RIMS4: variants seen among roughly 807,000 people sequenced by gnomAD.
RIMS4 encodes regulating synaptic membrane exocytosis protein 4.
Under a neutral mutation model 29.0 loss-of-function variants are expected in RIMS4, and 9 were observed. That is an observed-to-expected ratio of 0.31 (90% CI 0.19 to 0.54). The LOEUF (loss-of-function observed/expected upper bound fraction) is 0.54. Among genes scored for constraint, RIMS4 ranks in the 20% least tolerant of loss-of-function variants. RIMS4 has a pLI of 0.94. For missense variants in RIMS4, 193 were observed against 365.7 expected, an observed-to-expected ratio of 0.53 and a Z score of 3.85; for synonymous variants, 130 against 152.9, an observed-to-expected ratio of 0.85 and a Z score of 1.10.
chr20:44,797,575 A>G (rs562929890), intron 1 of RIMS4, among the ~76,000 whole-genome samples: 26 of 152,360 alleles, frequency 1.7e-4, no homozygotes, highest in Middle Eastern at 3.4e-3. Flanking sequence ...AAATTCTATT[A>G]GACTGCTTCC....
intron 1 of RIMS4, among the ~76,000 whole-genome samples, chr20:44,785,750 C>CTT (rs969567189): frequency 3.2e-4 from 39 of 122,944 alleles, no homozygotes; most frequent in Admixed American, 8.1e-4. Flanking sequence ...CATAGGTTTT[C>CTT]TTTTTTTTTT....
rs998153701 is a variant in RIMS4, at chr20:44,757,868, C to T, written c.350-97G>A. On this transcript the variant is annotated intron_variant, in intron 3 of 5. Transcript: ENST00000372851. ...TTACTTAGGGCTGAAACCCCCTTCC[C>T]CTGCTCCCAGCCCAGAATAAGACCA... is the stretch of plus-strand genomic sequence containing the variant. 6.9e-6 allele frequency: 8 copies of T among 1,161,206 alleles called. No homozygotes were observed. In the Admixed American group the frequency reaches 7.1e-5, roughly 10 times the overall value. The allele number at this position is 1,161,206 out of a possible 1,614,324, so 71.9% of individuals were successfully genotyped here. A position where few individuals can be genotyped will look rare whatever the true frequency, so the allele number is the denominator to read the frequency against.
At chr20:44,764,631 A>G (rs2066106016) in intron 2 of RIMS4, among the ~76,000 whole-genome samples, 1 of 152,200 alleles carries the variant, frequency 6.6e-6, no homozygotes, top group South Asian at 2.1e-4. Flanking sequence ...GGTGTGGCTT[A>G]TAATAGTAAA....
At chr20:44,789,366 C>T (rs1019678133) in intron 1 of RIMS4, among the ~76,000 whole-genome samples, 2 of 152,094 alleles carry the variant, frequency 1.3e-5, no homozygotes, top group African/African-American at 2.4e-5. Flanking sequence ...GGAGCGATCT[C>T]GGCTCACTGC....
intron 2 of RIMS4, among the ~76,000 whole-genome samples, chr20:44,758,676 A>C (rs1006514328): frequency 1.3e-5 from 2 of 152,216 alleles, no homozygotes; most frequent in African/African-American, 4.8e-5. Context: ...CTGGGCCTCC[A>C]GCTCAGCCTG....
chr20:44,789,233 T>G (rs2066222133), intron 1 of RIMS4, among the ~76,000 whole-genome samples: 1 of 152,240 alleles, frequency 6.6e-6, no homozygotes, highest in African/African-American at 2.4e-5. Context: ...GAGAGCATTT[T>G]GTGTACAACA....
In RIMS4 at chr20:44,758,116, G is replaced by A; in HGVS notation, c.305C>T (p.Pro102Leu). The A allele has an allele frequency of 6.2e-7, 1 of 1,613,608 alleles. No homozygotes were observed. The highest frequency in any genetic ancestry group is 1.3e-5 in the African/African-American group (1 of 75,056). The change falls in exon 3 of 6, where the codon CCG (proline) becomes CTG (leucine). Residue 102 changes from proline (P) to leucine (L), a missense_variant. Pro to Leu is a moderately conservative substitution (Grantham distance 98). Transcript: ENST00000372851. ...GGTCTGGCGGCCCACAAACTGTGCC[G>A]GCCCCATGCTTCCCAGGAAGTCACT... ...QFSDFLGSMG[P>L]AQFVGRQTLA...
chr20:44,765,429 C>T (rs989499717), intron 2 of RIMS4, among the ~76,000 whole-genome samples: 1 of 152,202 alleles, frequency 6.6e-6, no homozygotes, highest in African/African-American at 2.4e-5. Flanking sequence ...AATCCCAGTG[C>T]TGTTGTGAGT....
intron 3 of RIMS4, 66 bp downstream of exon 3, chr20:44,758,006 A>G (rs546218164): frequency 1.9e-4 from 232 of 1,205,270 alleles, no homozygotes; most frequent in Non-Finnish European, 2.6e-4. Flanking sequence ...GGAGGGAGAG[A>G]CGCTGAGCTT....
At chr20:44,776,906 C>A (rs1048586202) in intron 1 of RIMS4, among the ~76,000 whole-genome samples, 1 of 152,170 alleles carries the variant, frequency 6.6e-6, no homozygotes, top group African/African-American at 2.4e-5. Flanking sequence ...AGGACATGCA[C>A]GACTACTAAT....
intron 1 of RIMS4, among the ~76,000 whole-genome samples, chr20:44,789,588 T>C (rs1798163073): frequency 6.6e-6 from 1 of 152,230 alleles, no homozygotes; most frequent in South Asian, 2.1e-4. Context: ...AGATAGGGCC[T>C]TGCTGTTGTC....
At chr20:44,758,419 C>T (rs958996218) in intron 2 of RIMS4, among the ~76,000 whole-genome samples, 1 of 152,134 alleles carries the variant, frequency 6.6e-6, no homozygotes, top group Non-Finnish European at 1.5e-5. Context: ...GAACTGCAGC[C>T]CACTCCACCC....
chr20:44,774,275 T>C (rs781427385), intron 1 of RIMS4, among the ~76,000 whole-genome samples: 5 of 152,192 alleles, frequency 3.3e-5, no homozygotes, highest in Non-Finnish European at 7.3e-5. Flanking sequence ...TGATTGTTAA[T>C]AGCGAGTGTC....
chr20:44,767,415 C>A (rs1057063895), intron 2 of RIMS4, among the ~76,000 whole-genome samples: 5 of 152,136 alleles, frequency 3.3e-5, no homozygotes, highest in African/African-American at 1.2e-4. Flanking sequence ...CAGGCAGAAA[C>A]AGGCTCAAGG....
At chr20:44,779,899 A>G (rs1389644532) in intron 1 of RIMS4, among the ~76,000 whole-genome samples, 2 of 152,222 alleles carry the variant, frequency 1.3e-5, no homozygotes, top group African/African-American at 4.8e-5. Context: ...AAGTGAGGCT[A>G]AAGATTGGAA....
chr20:44,801,821 C>A (rs569290334), intron 1 of RIMS4, among the ~76,000 whole-genome samples: 1 of 152,262 alleles, frequency 6.6e-6, no homozygotes, highest in Non-Finnish European at 1.5e-5. Context: ...GGCCTGAAGA[C>A]CATACCCAGG....
In RIMS4 at chr20:44,802,691, A is replaced by G. The variant is rs141808469; in HGVS notation, c.97+7484T>C. Among the ~76,000 whole-genome samples, 440 of 152,324 alleles carry G rather than the reference A, an allele frequency of 2.9e-3. 1 individual carries two copies. The highest frequency in any genetic ancestry group is 4.8e-3 in the Admixed American group (74 of 15,308). On this transcript the variant is annotated intron_variant, in intron 1 of 5. Transcript: ENST00000372851. Reference sequence around the variant, plus strand: ...CATAAAAAACAGGGATTCAGGGGGCATGAGTTCTTGGCCTCTCTCTAACTT... The same window carrying G: ...CATAAAAAACAGGGATTCAGGGGGCGTGAGTTCTTGGCCTCTCTCTAACTT...
chr20:44,787,865 C>G (rs537931260), intron 1 of RIMS4, among the ~76,000 whole-genome samples: 3 of 152,288 alleles, frequency 2.0e-5, no homozygotes, highest in African/African-American at 7.2e-5. Context: ...CAAGTGTCTG[C>G]AATACCAGCT....
chr20:44,757,166 C>T (rs548942930), intron 4 of RIMS4, 129 bp from the exon 5 acceptor site: 22 of 1,005,424 alleles, frequency 2.2e-5, no homozygotes, highest in East Asian at 1.9e-4. Flanking sequence ...GGGGAGGACG[C>T]ACCAGGACAC....
Sources: allele counts gnomAD v4.1 joint callset (sites outside exome capture counted in the v4.1 genomes callset), GRCh38; gene constraint gnomAD v4.1.1; transcripts MANE v1.5; gene names NCBI Gene and HGNC (gene_info 2026-07-23, HGNC 2026-07-21).